BTAF1: variants seen among roughly 807,000 people sequenced by gnomAD.
The protein encoded by BTAF1 is B-TFIID TATA-box binding protein associated factor 1, also known as TATA-binding protein-associated factor 172.
BTAF1 carries 38 observed loss-of-function variants against 227.1 expected under a neutral mutation model. The ratio of observed to expected loss-of-function variants is 0.17; its 90% CI spans 0.13 to 0.22. The LOEUF is 0.22. Among genes scored for constraint, BTAF1 ranks in the 10% least tolerant of loss-of-function variants. The probability of loss-of-function intolerance (pLI) is 1.00; values close to 1 mark genes in which losing one functional copy is unlikely to be tolerated. For synonymous variants in BTAF1, 742 were observed against 751.9 expected, an observed-to-expected ratio of 0.99 and a Z score of 0.21; for missense variants, 1,598 against 2,204.0, an observed-to-expected ratio of 0.73 and a Z score of 5.51.
chr10:91,941,014 C>G (rs1456916181), intron 3 of BTAF1, among the ~76,000 whole-genome samples: 1 of 152,184 alleles, frequency 6.6e-6, no homozygotes, highest in Non-Finnish European at 1.5e-5. Context: ...CCGGCCTCAA[C>G]TCCCTTTAAT....
chr10:92,026,860 G>T (rs554323933), intron 36 of BTAF1, 109 bp downstream of exon 36: 69 of 1,225,710 alleles, frequency 5.6e-5, no homozygotes, highest in Non-Finnish European at 6.9e-5. Context: ...ACATACATGT[G>T]TTATGACCTT....
Position 92,016,292 on chromosome 10 carries a change from T to C in BTAF1, c.4585-48T>C, listed in dbSNP as rs770653159. 8 of 1,555,518 alleles carry C rather than the reference T, an allele frequency of 5.1e-6. No individual in the cohort carries two copies. In the East Asian group the frequency reaches 1.9e-4, roughly 37 times the overall value. On this transcript the variant is annotated intron_variant, in intron 32 of 37. Coordinates refer to ENST00000265990, the MANE Select transcript of BTAF1 (RefSeq NM_003972.3). ...TTTGCTGGTTATGTGTTTTGAACAATTGAAAATAAATATACTTAAAGCTTC... is the reference window on the plus strand; with the variant it reads ...TTTGCTGGTTATGTGTTTTGAACAACTGAAAATAAATATACTTAAAGCTTC...
In BTAF1 at chr10:91,953,832, A is replaced by C; in HGVS notation, c.660A>C (p.Ala220=). ...NKAKRMAKLF[A]KQRSRDAVET... ...CTAAAAGAATGGCCAAGTTATTTGCAAAACAGAGATCCAGGGATGCAGTGG... is the reference window on the plus strand; with the variant it reads ...CTAAAAGAATGGCCAAGTTATTTGCCAAACAGAGATCCAGGGATGCAGTGG... The change falls in exon 6 of 38, where the codon GCA becomes GCC. Residue 220 remains alanine (A), a synonymous_variant. Coordinates refer to ENST00000265990, the MANE Select transcript of BTAF1 (RefSeq NM_003972.3). The C allele has an allele frequency of 3.1e-6, 5 of 1,614,086 alleles. No homozygotes were observed. Among genetic ancestry groups the C allele is most frequent in the Non-Finnish European group, 3.4e-6 (4 of 1,179,952 alleles).
At chr10:91,984,884 A>G (rs998481069) in intron 19 of BTAF1, among the ~76,000 whole-genome samples, 5 of 152,176 alleles carry the variant, frequency 3.3e-5, no homozygotes, top group Admixed American at 2.0e-4. Context: ...CTATCCAACC[A>G]TGAATCCATC....
At chr10:91,991,265 A>ATATAT in intron 20 of BTAF1, among the ~76,000 whole-genome samples, 1 of 90,074 alleles carries the variant, frequency 1.1e-5, no homozygotes, top group South Asian at 4.8e-4. Flanking sequence ...TATAAATATA[A>ATATAT]ATATAAATAT....
Position 91,991,785 on chromosome 10 carries a change from G to A in BTAF1, c.2855-334G>A, listed in dbSNP as rs796211519. On this transcript the variant is annotated intron_variant, in intron 20 of 37. Coordinates refer to ENST00000265990, the MANE Select transcript of BTAF1 (RefSeq NM_003972.3). Reference sequence around the variant, plus strand: ...AAAAAAATTATATATATGTGTGTGTGTGTGTGTGTGTGTATATATATATAT... The same window carrying A: ...AAAAAAATTATATATATGTGTGTGTATGTGTGTGTGTGTATATATATATAT... Among the ~76,000 whole-genome samples, 41 of 19,820 alleles carry A rather than the reference G, an allele frequency of 2.1e-3. No homozygotes were observed. In the East Asian group the frequency reaches 0.023, roughly 11 times the overall value. The allele number at this position is 19,820 out of a possible 152,430, so 13.0% of individuals were successfully genotyped here.
At chr10:92,004,193 GTTGA>G (rs1282476014) in intron 25 of BTAF1, among the ~76,000 whole-genome samples, 3 of 152,020 alleles carry the variant, frequency 2.0e-5, no homozygotes, top group East Asian at 1.9e-4. Context: ...TCTTCAGTCC[GTTGA>G]TTGTCTCCTG....
intron 14 of BTAF1, among the ~76,000 whole-genome samples, 155 bp from the exon 15 acceptor site, chr10:91,980,299 A>G (rs1229506586): frequency 6.6e-6 from 1 of 152,190 alleles, no homozygotes; most frequent in Non-Finnish European, 1.5e-5. Flanking sequence ...TTGTTGCCTC[A>G]AAATCTTGTC....
At chr10:92,015,701 C>T (rs1366775601) in intron 32 of BTAF1, among the ~76,000 whole-genome samples, 2 of 152,122 alleles carry the variant, frequency 1.3e-5, no homozygotes, top group South Asian at 2.1e-4. Flanking sequence ...CTAGAGAAAG[C>T]GAGCTCCAAA....
At chr10:91,945,627 T>A (rs1829167147) in intron 4 of BTAF1, among the ~76,000 whole-genome samples, 1 of 152,224 alleles carries the variant, frequency 6.6e-6, no homozygotes, top group South Asian at 2.1e-4. Flanking sequence ...ATTTCCTTTC[T>A]TTTTAAGGCT....
chr10:91,930,027 C>T (rs952571427), intron 1 of BTAF1, among the ~76,000 whole-genome samples: 12 of 151,958 alleles, frequency 7.9e-5, no homozygotes, highest in East Asian at 1.9e-4. Flanking sequence ...ATTTCTTTGG[C>T]GTATTTCTCA....
chr10:92,011,581 T>C (rs1850294044), intron 30 of BTAF1, among the ~76,000 whole-genome samples, 166 bp downstream of exon 30: 1 of 152,204 alleles, frequency 6.6e-6, no homozygotes, highest in African/African-American at 2.4e-5. Context: ...TAATGGTTCA[T>C]TGGTAAACAA....
intron 4 of BTAF1, among the ~76,000 whole-genome samples, chr10:91,949,650 T>C (rs1170787424): frequency 1.3e-5 from 2 of 152,146 alleles, no homozygotes; most frequent in Non-Finnish European, 1.5e-5. Context: ...AGATTTTAGC[T>C]TTAGCTGCAT....
At position 91,962,549 on chromosome 10, in the gene BTAF1, T is replaced by C. The variant is rs1846599953; in HGVS notation, c.1275T>C (p.Asn425=). ...GTACTGTTTTACAGGATGTAATTAA[T>C]ACTTTATTGCCTAAAGTTTTAACTA... ...YALAVRQDVI[N]TLLPKVLTRI... The change falls in exon 12 of 38, where the codon AAT becomes AAC. Residue 425 remains asparagine (N), a synonymous_variant. Coordinates refer to ENST00000265990, the MANE Select transcript of BTAF1 (RefSeq NM_003972.3). 4 of 1,547,700 alleles carry C rather than the reference T, an allele frequency of 2.6e-6. No individual in the cohort carries two copies. In the African/African-American group the frequency reaches 5.5e-5, roughly 21 times the overall value.
chr10:91,951,088 A>T (rs1845739886), intron 4 of BTAF1, among the ~76,000 whole-genome samples: 1 of 152,126 alleles, frequency 6.6e-6, no homozygotes, highest in South Asian at 2.1e-4. Flanking sequence ...GGCCACCCAA[A>T]GTGCTGGGAT....
intron 37 of BTAF1, among the ~76,000 whole-genome samples, chr10:92,028,177 C>T (rs747032560): frequency 7.2e-5 from 11 of 152,072 alleles, no homozygotes; most frequent in South Asian, 2.1e-4. Flanking sequence ...CATGCATAGC[C>T]GTCTTCAAAT....
intron 33 of BTAF1, among the ~76,000 whole-genome samples, chr10:92,017,035 AACACCTACT>A (rs1850789923): frequency 6.6e-6 from 1 of 152,214 alleles, no homozygotes; most frequent in South Asian, 2.1e-4. Context: ...AAAATATTAG[AACACCTACT>A]ACATGGCAGT....
chr10:91,980,006 A>G (rs1222101846), intron 14 of BTAF1, among the ~76,000 whole-genome samples: 1 of 152,190 alleles, frequency 6.6e-6, no homozygotes, highest in Admixed American at 6.5e-5. Context: ...TCTAGGTTGG[A>G]TATTATAGTA....
intron 14 of BTAF1, 46 bp downstream of exon 14, chr10:91,966,803 T>A: frequency 6.5e-7 from 1 of 1,546,698 alleles, no homozygotes; most frequent in Non-Finnish European, 8.8e-7. Context: ...TATAAATTAA[T>A]TTTATAAAAT....
Sources: allele counts gnomAD v4.1 joint callset (sites outside exome capture counted in the v4.1 genomes callset), GRCh38; gene constraint gnomAD v4.1.1; transcripts MANE v1.5; gene names NCBI Gene and HGNC (gene_info 2026-07-23, HGNC 2026-07-21).